CTNNA1: variants seen among roughly 807,000 people sequenced by gnomAD.
CTNNA1 encodes catenin alpha-1.
CTNNA1 carries 37 observed loss-of-function variants against 98.4 expected under a neutral mutation model. The ratio of observed to expected loss-of-function variants is 0.38; its 90% CI spans 0.29 to 0.49. CTNNA1 has a LOEUF of 0.49. CTNNA1 is among the 20% of genes least tolerant of loss of function. CTNNA1 has a pLI of 0.95. For missense variants in CTNNA1, 761 were observed against 1,147.2 expected, an observed-to-expected ratio of 0.66 and a Z score of 4.86; for synonymous variants, 404 against 413.2, an observed-to-expected ratio of 0.98 and a Z score of 0.27.
intron 7 of CTNNA1, among the ~76,000 whole-genome samples, chr5:138,879,871 CTT>C (rs1181636022): frequency 6.6e-6 from 1 of 152,164 alleles, no homozygotes; most frequent in Non-Finnish European, 1.5e-5. Flanking sequence ...TTGGATGCAC[CTT>C]ACACATTTTG....
intron 16 of CTNNA1, 104 bp downstream of exon 16, chr5:138,931,039 C>A: frequency 2.1e-5 from 15 of 710,928 alleles, no homozygotes; most frequent in Non-Finnish European, 2.1e-5. Flanking sequence ...GCACTTTTGC[C>A]ACTCATCTCT....
At chr5:138,872,569 T>C (rs1750775530) in intron 7 of CTNNA1, 1 of 153,370 alleles carries the variant, frequency 6.5e-6, no homozygotes, top group East Asian at 1.9e-4. Context: ...ACAAGAGAAC[T>C]TTACTAAGTC....
intron 13 of CTNNA1, among the ~76,000 whole-genome samples, chr5:138,926,762 A>G (rs1764146196): frequency 6.6e-6 from 1 of 151,764 alleles, no homozygotes; most frequent in East Asian, 1.9e-4. Context: ...ACCCCTTCTC[A>G]GTCTCCTTGG....
chr5:138,931,810 C>T (rs1258486491), intron 16 of CTNNA1: 1 of 985,534 alleles, frequency 1.0e-6, no homozygotes, highest in Non-Finnish European at 1.2e-6. Context: ...CCAGTATGGT[C>T]TGCGGGGTCT....
At chr5:138,855,802 T>C (rs958379723) in intron 7 of CTNNA1, among the ~76,000 whole-genome samples, 4 of 152,228 alleles carry the variant, frequency 2.6e-5, no homozygotes, top group African/African-American at 9.6e-5. Context: ...TGTCTGGGAT[T>C]TGACAGTTTT....
intron 7 of CTNNA1, among the ~76,000 whole-genome samples, chr5:138,841,914 T>C (rs1171008340): frequency 6.6e-6 from 1 of 152,190 alleles, no homozygotes; most frequent in East Asian, 1.9e-4. Flanking sequence ...CACTGGAACA[T>C]ATTAGCCTGA....
At chr5:138,859,387 T>A (rs1764054815) in intron 7 of CTNNA1, among the ~76,000 whole-genome samples, 1 of 152,202 alleles carries the variant, frequency 6.6e-6, no homozygotes, top group African/African-American at 2.4e-5. Flanking sequence ...ATTCCCTTGG[T>A]GATCTCATCT....
At chr5:138,826,194 T>C (rs1760701271) in intron 6 of CTNNA1, among the ~76,000 whole-genome samples, 1 of 152,220 alleles carries the variant, frequency 6.6e-6, no homozygotes, top group Non-Finnish European at 1.5e-5. Context: ...AATAATGAAC[T>C]GAAGGTATTG....
intron 3 of CTNNA1, among the ~76,000 whole-genome samples, chr5:138,809,702 A>C (rs1450687622): frequency 6.6e-6 from 1 of 151,900 alleles, no homozygotes; most frequent in Non-Finnish European, 1.5e-5. Flanking sequence ...TCTCCTGTTC[A>C]AATCTTGAAT....
At chr5:138,896,528 A>G (rs1756852906) in intron 9 of CTNNA1, among the ~76,000 whole-genome samples, 1 of 152,160 alleles carries the variant, frequency 6.6e-6, no homozygotes, top group Non-Finnish European at 1.5e-5. Context: ...CCTGCATGGT[A>G]TTGAAGCCAC....
chr5:138,913,964 C>T (rs1761208920), intron 10 of CTNNA1, among the ~76,000 whole-genome samples: 1 of 152,196 alleles, frequency 6.6e-6, no homozygotes, highest in Non-Finnish European at 1.5e-5. Context: ...AATCCCCCCA[C>T]CTCGGCCTCC....
At chr5:138,838,792 G>GTTGT (rs967078639) in intron 7 of CTNNA1, among the ~76,000 whole-genome samples, 1 of 151,732 alleles carries the variant, frequency 6.6e-6, no homozygotes, top group Admixed American at 6.6e-5. Flanking sequence ...TTTTTTTGTT[G>GTTGT]TTGTTTGTTT....
chr5:138,933,510 T>C (rs535104864), intron 17 of CTNNA1, among the ~76,000 whole-genome samples: 2 of 152,322 alleles, frequency 1.3e-5, no homozygotes, highest in South Asian at 4.2e-4. Context: ...TCACTTACAG[T>C]GACTTCCAGT....
chr5:138,904,237 C>G (rs1203411943), intron 9 of CTNNA1, 112 bp from the exon 10 acceptor site: 12 of 1,315,708 alleles, frequency 9.1e-6, no homozygotes, highest in Middle Eastern at 2.8e-4. Flanking sequence ...GGGAGGCACC[C>G]TTGGTGCCCT....
At chr5:138,756,740 T>C (rs750050178) in intron 1 of CTNNA1, among the ~76,000 whole-genome samples, 1 of 152,178 alleles carries the variant, frequency 6.6e-6, no homozygotes, top group Non-Finnish European at 1.5e-5. Context: ...GAAGCCATTG[T>C]AGGGAGTTTC....
At chr5:138,860,714 T>G (rs1561604318) in intron 7 of CTNNA1, among the ~76,000 whole-genome samples, 1 of 152,078 alleles carries the variant, frequency 6.6e-6, no homozygotes, top group African/African-American at 2.4e-5. Flanking sequence ...CCGGCTGGTC[T>G]GGGCACCTGA....
chr5:138,932,346 G>A (rs1349854821), intron 16 of CTNNA1: 1 of 1,364,020 alleles, frequency 7.3e-7, no homozygotes, highest in Non-Finnish European at 9.4e-7. Flanking sequence ...TACAACCAGT[G>A]CCATGCGGCG....
intron 5 of CTNNA1, among the ~76,000 whole-genome samples, chr5:138,815,965 T>G (rs1415783882): frequency 6.6e-6 from 1 of 152,218 alleles, no homozygotes; most frequent in Admixed American, 6.5e-5. Flanking sequence ...TGATGGAAAC[T>G]TCATTATTTC....
intron 16 of CTNNA1, chr5:138,931,610 A>G (rs1765351699): frequency 5.1e-6 from 5 of 985,292 alleles, no homozygotes; most frequent in Non-Finnish European, 6.0e-6. Flanking sequence ...GGCCAAATGT[A>G]TCTTGACACA....
Sources: allele counts gnomAD v4.1 joint callset (sites outside exome capture counted in the v4.1 genomes callset), GRCh38; gene constraint gnomAD v4.1.1; transcripts MANE v1.5; gene names NCBI Gene and HGNC (gene_info 2026-07-23, HGNC 2026-07-21).